Variants in SOX6 observed in about 807,000 individuals in gnomAD.
The protein encoded by SOX6 is SRY-box transcription factor 6, also known as transcription factor SOX-6.
SOX6 carries 11 observed loss-of-function variants against 97.8 expected under a neutral mutation model. The observed-to-expected ratio is 0.11, with a 90% CI of 0.07 to 0.19. SOX6 has a LOEUF of 0.19. Among genes scored for constraint, SOX6 ranks in the 10% least tolerant of loss-of-function variants. SOX6 has a pLI of 1.00. For missense variants in SOX6, 810 were observed against 1,039.5 expected (o/e 0.78, Z 3.04); for synonymous variants, 360 against 371.4 (o/e 0.97, Z 0.35).
At chr11:16,094,137 T>C (rs1848746796) in intron 9 of SOX6, among the ~76,000 whole-genome samples, 1 of 152,000 alleles carries the variant, frequency 6.6e-6, no homozygotes, top group Non-Finnish European at 1.5e-5. Context: ...CTTGCATTAA[T>C]GGTTTACCTG....
intron 4 of SOX6, among the ~76,000 whole-genome samples, chr11:16,541,963 G>T (rs1036036086): frequency 1.3e-5 from 2 of 152,006 alleles, no homozygotes; most frequent in Non-Finnish European, 2.9e-5. Context: ...CCCATTACTG[G>T]GTATATACCC....
At chr11:16,132,338 AAAAGAAAGAAAGAAAGAAAGAAAG>A (rs869051811) in intron 6 of SOX6, among the ~76,000 whole-genome samples, 6 of 40,682 alleles carry the variant, frequency 1.5e-4, no homozygotes, top group South Asian at 9.9e-4. Flanking sequence ...AAGGAAAGAA[AAAAGAAAGAAAGAAAGAAAGAAAG>A]AAAGAAAGAA....
chr11:16,090,101 T>C (rs1848652979), intron 9 of SOX6, among the ~76,000 whole-genome samples: 1 of 152,090 alleles, frequency 6.6e-6, no homozygotes, highest in Non-Finnish European at 1.5e-5. Flanking sequence ...TTAGAAATCA[T>C]CACATCTTAC....
chr11:16,566,762 C>A (rs1037261447), intron 4 of SOX6, among the ~76,000 whole-genome samples: 2 of 152,216 alleles, frequency 1.3e-5, no homozygotes, highest in South Asian at 4.1e-4. Context: ...CTGTGGAAAA[C>A]AGTTTGGCAC....
chr11:16,150,017 AT>A (rs1353701798), intron 6 of SOX6, among the ~76,000 whole-genome samples: 8 of 152,206 alleles, frequency 5.3e-5, no homozygotes, highest in East Asian at 1.9e-4. Context: ...GTTTGGAAGC[AT>A]TTTAGAGATT....
In SOX6 at chr11:15,988,023, G is replaced by A. The variant is rs117013442; in HGVS notation, c.1966+974C>T. Among the ~76,000 whole-genome samples the A allele has an allele frequency of 9.3e-3, 1,414 of 152,222 alleles. 17 individuals carry two copies. The highest frequency in any genetic ancestry group is 0.011 in the Non-Finnish European group (753 of 68,014). ...AAACATGTGTATCTGTGCATGTCCA[G>A]ATCACTGATATTTACTCAGGTTAAA... On this transcript the variant is annotated intron_variant, in intron 14 of 15. Transcript: ENST00000683767.
At chr11:16,042,036 C>A (rs1313264526) in intron 12 of SOX6, among the ~76,000 whole-genome samples, 3 of 152,298 alleles carry the variant, frequency 2.0e-5, no homozygotes, top group East Asian at 3.9e-4. Context: ...ATCTTCTGAG[C>A]AAGCTATATG....
intron 13 of SOX6, among the ~76,000 whole-genome samples, chr11:15,997,912 T>C (rs571513846): frequency 7.9e-5 from 12 of 151,924 alleles, no homozygotes; most frequent in Admixed American, 1.3e-4. Context: ...GAAACCCTGC[T>C]CTACTAAAAA....
chr11:16,048,613 ATAAGATTATTGTGAAACATCAAATCAGAT>A (rs1438788441), intron 11 of SOX6, among the ~76,000 whole-genome samples: 2 of 152,188 alleles, frequency 1.3e-5, no homozygotes, highest in African/African-American at 4.8e-5. Context: ...TATCTAACTC[ATAAGATTATTGTGAAACATCAAATCAGAT>A]AAAGTAGGCA....
At chr11:16,725,721 A>G (rs1337029760) in intron 2 of SOX6, among the ~76,000 whole-genome samples, 1 of 152,128 alleles carries the variant, frequency 6.6e-6, no homozygotes, top group Admixed American at 6.5e-5. Context: ...CCTCATTTGG[A>G]TGAAGAAAGA....
chr11:16,669,203 C>A (rs531709425), intron 3 of SOX6, among the ~76,000 whole-genome samples: 9 of 151,934 alleles, frequency 5.9e-5, no homozygotes, highest in African/African-American at 1.7e-4. Flanking sequence ...TCTTCTCTGA[C>A]CATAATGGAA....
At chr11:16,132,445 A>AAG (rs1849828744) in intron 6 of SOX6, among the ~76,000 whole-genome samples, 1 of 11,886 alleles carries the variant, frequency 8.4e-5, no homozygotes, top group South Asian at 2.4e-3. Flanking sequence ...AAGAAAGAAA[A>AAG]AAGAAAGAAA....
At chr11:16,070,609 T>A (rs1248769696) in intron 9 of SOX6, among the ~76,000 whole-genome samples, 2 of 152,030 alleles carry the variant, frequency 1.3e-5, no homozygotes, top group East Asian at 3.9e-4. Context: ...AAAGGGTTAG[T>A]GAACACTGAC....
chr11:16,075,760 A>T (rs1034192872), intron 9 of SOX6, among the ~76,000 whole-genome samples: 3 of 152,192 alleles, frequency 2.0e-5, no homozygotes, highest in Non-Finnish European at 4.4e-5. Context: ...CCTATGTAAC[A>T]AACCTGCATG....
chr11:16,411,103 C>G lies in SOX6; in HGVS notation c.-5+65212G>C, dbSNP rs1858801782. Among the ~76,000 whole-genome samples the G allele has an allele frequency of 2.6e-5, 4 of 152,058 alleles. No homozygotes were observed. In the South Asian group the frequency reaches 8.3e-4, roughly 32 times the overall value. ...TTATCCATTTTAAATTGTATTTGGT[C>G]TTGGTTGCAAATTTGGGGTCATCTG... On this transcript the variant is annotated intron_variant, in intron 1 of 15. Coordinates refer to the SOX6 transcript ENST00000396356.
chr11:16,376,699 T>G lies in SOX6; in HGVS notation c.-4-35447A>C, dbSNP rs186928925. ...ATGAGGAAAGAATTCCTCATGGTCA[T>G]CACTGAAACTCATGACTACATTCTG... On this transcript the variant is annotated intron_variant, in intron 1 of 15. Transcript: ENST00000396356. 3.9e-5 allele frequency among the ~76,000 whole-genome samples: 6 copies of G among 152,278 alleles called. No homozygotes were observed. The East Asian group carries it at 1.2e-3, about 29-fold the overall frequency.
At chr11:16,325,084 G>A (rs1356193540) in intron 2 of SOX6, among the ~76,000 whole-genome samples, 2 of 151,866 alleles carry the variant, frequency 1.3e-5, no homozygotes, top group Non-Finnish European at 2.9e-5. Flanking sequence ...CTGAGTATTG[G>A]GACAACAGAT....
intron 9 of SOX6, among the ~76,000 whole-genome samples, chr11:16,073,277 A>G (rs1848267358): frequency 6.6e-6 from 1 of 152,136 alleles, no homozygotes; most frequent in Non-Finnish European, 1.5e-5. Context: ...GAAAACAGAA[A>G]AAAGCAGGGA....
chr11:16,111,946 T>A, intron 6 of SOX6, 23 bp from the exon 7 acceptor site: 1 of 1,611,766 alleles, frequency 6.2e-7, no homozygotes, highest in Non-Finnish European at 8.5e-7. Context: ...AGAGAGCCTA[T>A]GATCAGACAG....
Sources: allele counts gnomAD v4.1 joint callset (sites outside exome capture counted in the v4.1 genomes callset), GRCh38; gene constraint gnomAD v4.1.1; transcripts MANE v1.5; gene names NCBI Gene and HGNC (gene_info 2026-07-23, HGNC 2026-07-21).